Variants in PTPRN2 observed in about 807,000 individuals in gnomAD.
PTPRN2 encodes protein tyrosine phosphatase receptor type N2.
A neutral mutation model predicts 118.8 loss-of-function variants in PTPRN2; 74 were observed. That is an observed-to-expected ratio of 0.62 (90% CI 0.52 to 0.76). The LOEUF (loss-of-function observed/expected upper bound fraction) is 0.76. Ranked by LOEUF, PTPRN2 falls within the 30% of genes least tolerant of loss-of-function variation. The pLI is 0.00. For missense variants in PTPRN2, 1,481 were observed against 1,394.4 expected, an observed-to-expected ratio of 1.06 and a Z score of -0.99; for synonymous variants, 641 against 608.0, an observed-to-expected ratio of 1.05 and a Z score of -0.80.
chr7:157,571,366 G>A, intron 20 of PTPRN2, 74 bp downstream of exon 20: 1 of 1,169,134 alleles, frequency 8.6e-7, no homozygotes, highest in South Asian at 1.4e-5. Context: ...AGAAAGTTAA[G>A]CTTCTGTATT....
chr7:158,473,113 G>A (rs1472313226), intron 2 of PTPRN2, among the ~76,000 whole-genome samples: 1 of 152,152 alleles, frequency 6.6e-6, no homozygotes, highest in African/African-American at 2.4e-5. Context: ...TTTCAAAATG[G>A]TATGGCCACG....
chr7:158,423,282 C>T (rs1815413335), intron 2 of PTPRN2, among the ~76,000 whole-genome samples: 1 of 152,222 alleles, frequency 6.6e-6, no homozygotes, highest in Non-Finnish European at 1.5e-5. Flanking sequence ...CTGAGCAGCA[C>T]GGCAGTGAAG....
chr7:158,529,189 G>C lies in PTPRN2; in HGVS notation c.113-39404C>G, dbSNP rs1825029565. ...TGCCCGCAGCACTCACACAGCACCT[G>C]GTGGGCACTAAGCACCCGTCGCTGT... On this transcript the variant is annotated intron_variant, in intron 1 of 22. Coordinates refer to ENST00000389418, the MANE Select transcript of PTPRN2 (RefSeq NM_002847.5). The surrounding 1 kb of genome is among the most constrained non-coding windows in gnomAD (Gnocchi z 4.7). Among the ~76,000 whole-genome samples the C allele has an allele frequency of 6.6e-6, 1 of 152,248 alleles. No individual in the cohort carries two copies. Among genetic ancestry groups the C allele is most frequent in the Non-Finnish European group, 1.5e-5 (1 of 68,040 alleles).
At chr7:158,365,836 G>GCGCA (rs1554480252) in intron 2 of PTPRN2, among the ~76,000 whole-genome samples, 5 of 14,740 alleles carry the variant, frequency 3.4e-4, no homozygotes, top group South Asian at 0.012. Flanking sequence ...GTGCATGCGT[G>GCGCA]CACACACACA....
intron 2 of PTPRN2, among the ~76,000 whole-genome samples, chr7:158,354,837 C>T (rs1323725261): frequency 6.6e-6 from 1 of 152,144 alleles, no homozygotes; most frequent in African/African-American, 2.4e-5. Flanking sequence ...TCAGAGAACA[C>T]CAGATTCAAC....
intron 2 of PTPRN2, among the ~76,000 whole-genome samples, chr7:158,401,177 A>G (rs1812919207): frequency 6.6e-6 from 1 of 151,902 alleles, no homozygotes; most frequent in Non-Finnish European, 1.5e-5. Flanking sequence ...TGACCCTCTG[A>G]CAGTTCACCT....
intron 12 of PTPRN2, among the ~76,000 whole-genome samples, chr7:157,781,595 G>A (rs572081989): frequency 5.3e-5 from 8 of 152,324 alleles, no homozygotes; most frequent in African/African-American, 1.7e-4. Flanking sequence ...TCTCATACAA[G>A]TTCGAGTATG....
At chr7:158,324,751 C>T (rs193241337) in intron 2 of PTPRN2, among the ~76,000 whole-genome samples, 1 of 152,158 alleles carries the variant, frequency 6.6e-6, no homozygotes, top group East Asian at 1.9e-4. Flanking sequence ...GATACTGAGC[C>T]TCCACTCTCT....
intron 3 of PTPRN2, among the ~76,000 whole-genome samples, chr7:158,238,450 G>A (rs1451164844): frequency 4.6e-5 from 7 of 152,240 alleles, no homozygotes; most frequent in African/African-American, 9.6e-5. Flanking sequence ...GGTCTCTGCC[G>A]CTCATCAGAA....
intron 11 of PTPRN2, among the ~76,000 whole-genome samples, chr7:157,968,711 C>T (rs1174542761): frequency 6.6e-6 from 1 of 152,058 alleles, no homozygotes; most frequent in Admixed American, 6.5e-5. Flanking sequence ...ATCATACAGC[C>T]TAGAAGGGTT....
rs1181124285 is a variant in PTPRN2 at position 157,560,247 on chromosome 7, AG to A, written c.2902+8654del. ...CCCTTGAAGGTGGGAGACCCCTTGA[AG>A]GTGGGAGACCTGTGAGCTGGTACAC... On this transcript the variant is annotated intron_variant, in intron 21 of 22. Coordinates refer to ENST00000389418, the MANE Select transcript of PTPRN2 (RefSeq NM_002847.5). The surrounding 1 kb of genome is among the most constrained non-coding windows in gnomAD (Gnocchi z 6.7). Among the ~76,000 whole-genome samples the A allele has an allele frequency of 6.6e-6, 1 of 152,104 alleles. No individual in the cohort carries two copies. Among genetic ancestry groups the A allele is most frequent in the Non-Finnish European group, 1.5e-5 (1 of 67,986 alleles).
At chr7:158,184,053 T>G (rs1387522124) in intron 5 of PTPRN2, among the ~76,000 whole-genome samples, 1 of 126,806 alleles carries the variant, frequency 7.9e-6, no homozygotes, top group African/African-American at 2.7e-5. Flanking sequence ...TGCAAGTATT[T>G]TTCTAAGTAT....
chr7:157,905,044 A>G (rs1797696002), intron 11 of PTPRN2, among the ~76,000 whole-genome samples: 1 of 152,072 alleles, frequency 6.6e-6, no homozygotes, highest in Admixed American at 6.6e-5. Flanking sequence ...CCTTTTCCAC[A>G]CTGTTGGTGG....
At chr7:157,612,985 G>A (rs986753952) in intron 15 of PTPRN2, among the ~76,000 whole-genome samples, 1 of 152,182 alleles carries the variant, frequency 6.6e-6, no homozygotes, top group African/African-American at 2.4e-5. Context: ...GCTCCGGAGG[G>A]TTGATCTCAC....
chr7:157,964,095 G>A lies in PTPRN2; in HGVS notation c.1724-65358C>T, dbSNP rs1346266259. ...GTCTTCATCTGTAAGAGGCTGTTGA[G>A]GGCACGACCACCTCGCAGTGACCTC... On this transcript the variant is annotated intron_variant, in intron 11 of 22. Transcript: ENST00000389418. The surrounding 1 kb of genome is among the most constrained non-coding windows in gnomAD (Gnocchi z 9.0). Among the ~76,000 whole-genome samples the A allele has an allele frequency of 4.6e-5, 7 of 152,118 alleles. No homozygotes were observed. Among genetic ancestry groups the A allele is most frequent in the African/African-American group, 1.4e-4 (6 of 41,418 alleles).
At chr7:158,037,100 A>G (rs1348990887) in intron 11 of PTPRN2, among the ~76,000 whole-genome samples, 1 of 152,246 alleles carries the variant, frequency 6.6e-6, no homozygotes, top group Non-Finnish European at 1.5e-5. Context: ...CAATTATATA[A>G]TATCTTGAAA....
intron 2 of PTPRN2, among the ~76,000 whole-genome samples, chr7:158,388,684 AC>A (rs891486834): frequency 4.3e-4 from 66 of 152,128 alleles, no homozygotes; most frequent in African/African-American, 1.5e-3. Context: ...TTGGTGATTA[AC>A]CCCCCAAGAG....
chr7:158,332,394 C>T (rs1804664220), intron 2 of PTPRN2, among the ~76,000 whole-genome samples: 1 of 129,986 alleles, frequency 7.7e-6, no homozygotes, highest in African/African-American at 2.7e-5. Flanking sequence ...GCAGATGTCA[C>T]TCACACCCAT....
intron 2 of PTPRN2, among the ~76,000 whole-genome samples, chr7:158,465,995 T>C (rs1670362): frequency 0.65 from 99,172 of 152,102 alleles, 32,477 homozygotes; most frequent in Middle Eastern, 0.72. Context: ...TGTTGCATGA[T>C]GCATCCATGC....
Sources: gnomAD v4.1 joint callset for allele counts (sites outside exome capture counted in the v4.1 genomes callset) on GRCh38, gnomAD v4.1.1 for gene constraint, Gnocchi (gnomAD v3.1) non-coding constraint, MANE v1.5 for transcripts, NCBI Gene and HGNC (gene_info 2026-07-23, HGNC 2026-07-21) for gene names.